The following ZC3H12B variants were observed in gnomAD, a reference collection of about 807,000 sequenced individuals.
ZC3H12B encodes the protein probable ribonuclease ZC3H12B.
ZC3H12B carries 7 observed loss-of-function variants against 43.9 expected under a neutral mutation model. That is an observed-to-expected ratio of 0.16 (90% CI 0.09 to 0.30). ZC3H12B has a LOEUF of 0.30. Among genes scored for constraint, ZC3H12B ranks in the 10% least tolerant of loss-of-function variants. The pLI is 1.00. For missense variants in ZC3H12B, 475 were observed against 670.2 expected, an observed-to-expected ratio of 0.71 and a Z score of 3.22; for synonymous variants, 222 against 241.7, an observed-to-expected ratio of 0.92 and a Z score of 0.76.
the ZC3H12B span, chrX:65,328,123 C>T: frequency 7.1e-5 from 17 of 240,502 alleles, no homozygotes; most frequent in Non-Finnish European, 1.4e-4. Context: ...TTTTCTCATC[C>T]AGCGGTGTCT....
At position 65,451,460 on chromosome X, in the gene ZC3H12B, C is replaced by A. The variant is rs960371393; in HGVS notation, n.408-37186C>A. Among the ~76,000 whole-genome samples, 5 of 110,479 alleles carry A rather than the reference C, an allele frequency of 4.5e-5. No homozygotes were observed. The Admixed American group carries it at 4.8e-4, about 11-fold the overall frequency. On this transcript the variant is annotated intron_variant and non_coding_transcript_variant, in intron 3 of 5. Transcript: ENST00000617377. ...GATTTATATTGCTATTTTGATTGGG[C>A]TATGTTTCTCTGTTTCTTCATGTTC...
rs985718239 is a variant in ZC3H12B, at chrX:65,432,032, G to A, written n.407+33328G>A. Among the ~76,000 whole-genome samples, 20 of 111,640 alleles carry A rather than the reference G, an allele frequency of 1.8e-4. 1 individual carries two copies. The highest frequency in any genetic ancestry group is 4.8e-4 in the Admixed American group (5 of 10,504). Reference sequence around the variant, plus strand: ...CTCTTCTTTTGTCAATTGAACCTAGGTCACTCCCCATGAGGACACAGGTAT... The same window carrying A: ...CTCTTCTTTTGTCAATTGAACCTAGATCACTCCCCATGAGGACACAGGTAT... On this transcript the variant is annotated intron_variant and non_coding_transcript_variant, in intron 3 of 5. Transcript: ENST00000617377.
chrX:65,425,864 A>G (rs2067075233), intron 3 of ZC3H12B, among the ~76,000 whole-genome samples: 1 of 111,652 alleles, frequency 9.0e-6, no homozygotes, highest in Non-Finnish European at 1.9e-5. Flanking sequence ...TTGCTTTGCC[A>G]GTGCTTTACT....
At chrX:65,313,386 G>A in the ZC3H12B span, among the ~76,000 whole-genome samples, 1 of 112,144 alleles carries the variant, frequency 8.9e-6, no homozygotes, top group Non-Finnish European at 1.9e-5. Context: ...AAAAATTCTG[G>A]AGAAGAGAGA....
intron 3 of ZC3H12B, among the ~76,000 whole-genome samples, chrX:65,451,234 G>A (rs993322026): frequency 9.0e-6 from 1 of 110,720 alleles, no homozygotes; most frequent in African/African-American, 3.3e-5. Context: ...ACAGGTGTGA[G>A]CCACCAAGCC....
chrX:65,165,160 A>C, the ZC3H12B span, among the ~76,000 whole-genome samples: 1 of 112,332 alleles, frequency 8.9e-6, no homozygotes, highest in Non-Finnish European at 1.9e-5. Flanking sequence ...TCCTGAAATA[A>C]ATACTGTTAT....
At chrX:65,101,511 G>T in the ZC3H12B span, among the ~76,000 whole-genome samples, 7 of 111,432 alleles carry the variant, frequency 6.3e-5, no homozygotes, top group African/African-American at 2.3e-4. Context: ...TAATAAAGAA[G>T]AAAAGAGAGA....
At chrX:65,174,578 C>T in the ZC3H12B span, among the ~76,000 whole-genome samples, 4 of 111,787 alleles carry the variant, frequency 3.6e-5, no homozygotes, top group South Asian at 3.7e-4. Context: ...GCCCTGCCAG[C>T]GAGGAGGAAT....
At chrX:65,232,521 C>T in the ZC3H12B span, among the ~76,000 whole-genome samples, 53 of 111,671 alleles carry the variant, frequency 4.7e-4, 1 homozygote, top group Middle Eastern at 0.018. Flanking sequence ...TCAAAGTTAT[C>T]CTCGGTTTAA....
At chrX:65,348,257 T>C in the ZC3H12B span, among the ~76,000 whole-genome samples, 3 of 111,838 alleles carry the variant, frequency 2.7e-5, no homozygotes, top group East Asian at 8.5e-4. Context: ...ATAAAATTTC[T>C]AGGCATAAAA....
At chrX:65,482,159 T>TATC (rs1205848550) in intron 3 of ZC3H12B, among the ~76,000 whole-genome samples, 5 of 112,078 alleles carry the variant, frequency 4.5e-5, no homozygotes, top group Admixed American at 9.6e-5. Context: ...AAGATATATT[T>TATC]ATCACTATGA....
chrX:65,216,256 T>C, the ZC3H12B span, among the ~76,000 whole-genome samples: 1 of 111,882 alleles, frequency 8.9e-6, no homozygotes. Context: ...ACATTGACTA[T>C]ACCACCTTTT....
chrX:65,061,026 C>A, the ZC3H12B span, among the ~76,000 whole-genome samples: 1 of 111,988 alleles, frequency 8.9e-6, no homozygotes, highest in Non-Finnish European at 1.9e-5. Context: ...TGTCCATTTA[C>A]TATAGATTTT....
chrX:65,162,200 T>G, the ZC3H12B span, among the ~76,000 whole-genome samples: 1 of 111,348 alleles, frequency 9.0e-6, no homozygotes, highest in African/African-American at 3.3e-5. Context: ...GCCCTTAACA[T>G]TTTTTCCTTC....
At chrX:65,188,526 A>G in the ZC3H12B span, among the ~76,000 whole-genome samples, 1 of 110,613 alleles carries the variant, frequency 9.0e-6, no homozygotes, top group Non-Finnish European at 1.9e-5. Context: ...GGGTGAGATT[A>G]TGTCTTATTA....
the ZC3H12B span, among the ~76,000 whole-genome samples, chrX:65,083,708 C>A: frequency 1.3e-4 from 15 of 111,317 alleles, no homozygotes; most frequent in African/African-American, 4.9e-4. Flanking sequence ...CAATGCAATC[C>A]CTATCAAAAT....
the ZC3H12B span, among the ~76,000 whole-genome samples, chrX:65,067,533 C>A: frequency 2.7e-5 from 3 of 110,553 alleles, no homozygotes; most frequent in African/African-American, 9.9e-5. Flanking sequence ...GAAGAAATCA[C>A]CCTCCTTCTG....
At chrX:65,188,422 C>T in the ZC3H12B span, among the ~76,000 whole-genome samples, 4 of 97,224 alleles carry the variant, frequency 4.1e-5, no homozygotes, top group Non-Finnish European at 8.1e-5. Flanking sequence ...TACTAATTTA[C>T]ATTCTCACTA....
chrX:65,073,921 A>C, the ZC3H12B span, among the ~76,000 whole-genome samples: 2 of 111,547 alleles, frequency 1.8e-5, no homozygotes, highest in East Asian at 5.6e-4. Flanking sequence ...ATCCACTCTT[A>C]GTGCCGTACC....
Sources: gnomAD v4.1 joint callset for allele counts (sites outside exome capture counted in the v4.1 genomes callset) on GRCh38, gnomAD v4.1.1 for gene constraint, MANE v1.5 for transcripts, NCBI Gene and HGNC (gene_info 2026-07-23, HGNC 2026-07-21) for gene names.